The following TAFA4 variants were observed in gnomAD, a reference collection of about 807,000 sequenced individuals.
TAFA4 encodes chemokine-like protein TAFA-4.
TAFA4 carries 20 observed loss-of-function variants against 21.1 expected under a neutral mutation model. The observed-to-expected ratio is 0.95, with a 90% CI of 0.67 to 1.38. The LOEUF (loss-of-function observed/expected upper bound fraction) is 1.38. TAFA4 is among the 40% of genes most tolerant of loss of function. The probability of loss-of-function intolerance (pLI) is 0.00; values close to 1 mark genes in which losing one functional copy is unlikely to be tolerated. For synonymous variants in TAFA4, 71 were observed against 67.4 expected, an observed-to-expected ratio of 1.05 and a Z score of -0.26; for missense variants, 211 against 180.9, an observed-to-expected ratio of 1.17 and a Z score of -0.95.
Position 68,844,849 on chromosome 3 carries a change from G to A in TAFA4, c.130+35881C>T, listed in dbSNP as rs189647257. 2.6e-3 allele frequency among the ~76,000 whole-genome samples: 396 copies of A among 152,294 alleles called. 7 individuals are homozygous for A. The highest frequency in any genetic ancestry group is 2.7e-3 in the East Asian group (14 of 5,192). On this transcript the variant is annotated intron_variant, in intron 3 of 5. Coordinates refer to ENST00000295569, the MANE Select transcript of TAFA4 (RefSeq NM_182522.5). ...GGTTTTGAGTGAGTTTCTTAATCCT[G>A]AGTTCTAATTTGATTGCACTGTGGT...
chr3:68,809,929 G>C (rs1703795903), intron 3 of TAFA4, among the ~76,000 whole-genome samples: 1 of 152,146 alleles, frequency 6.6e-6, no homozygotes, highest in African/African-American at 2.4e-5. Flanking sequence ...CTATGTATCT[G>C]TTTTTACGCC....
At chr3:68,873,144 A>G (rs1041968643) in intron 3 of TAFA4, among the ~76,000 whole-genome samples, 2 of 152,028 alleles carry the variant, frequency 1.3e-5, no homozygotes, top group African/African-American at 4.8e-5. Context: ...CCAGGTTCTG[A>G]TGTGTCACAC....
At position 68,846,298 on chromosome 3, in the gene TAFA4, G is replaced by C. The variant is rs138764701; in HGVS notation, c.130+34432C>G. Among the ~76,000 whole-genome samples the C allele has an allele frequency of 2.6e-3, 387 of 151,722 alleles. 4 individuals are homozygous for C. Among genetic ancestry groups the C allele is most frequent in the African/African-American group, 9.1e-3 (376 of 41,394 alleles). Reference sequence around the variant, plus strand: ...ATCTCTGATATCCTTTCTTCTGCTTGATTGATTCAGCTATTGATACTTGTG... The same window carrying C: ...ATCTCTGATATCCTTTCTTCTGCTTCATTGATTCAGCTATTGATACTTGTG... On this transcript the variant is annotated intron_variant, in intron 3 of 5. Coordinates refer to ENST00000295569, the MANE Select transcript of TAFA4 (RefSeq NM_182522.5).
chr3:68,879,623 GA>G (rs1453548179), intron 3 of TAFA4, among the ~76,000 whole-genome samples: 2 of 152,178 alleles, frequency 1.3e-5, no homozygotes, highest in African/African-American at 2.4e-5. Flanking sequence ...CTGATTTGCT[GA>G]AACTTCAATC....
chr3:68,804,563 C>T (rs892930142), intron 3 of TAFA4, among the ~76,000 whole-genome samples: 2 of 152,166 alleles, frequency 1.3e-5, no homozygotes, highest in African/African-American at 2.4e-5. Flanking sequence ...TACTACAAGG[C>T]TATAGTAACC....
At chr3:68,913,703 G>A (rs1268320525) in intron 1 of TAFA4, 1 of 152,192 alleles carries the variant, frequency 6.6e-6, no homozygotes, top group East Asian at 1.9e-4. Flanking sequence ...CCTACAGAAT[G>A]AGAACCATTT....
intron 1 of TAFA4, among the ~76,000 whole-genome samples, chr3:68,889,177 G>A (rs1479611391): frequency 2.6e-5 from 4 of 152,040 alleles, no homozygotes; most frequent in African/African-American, 4.8e-5. Context: ...GGTCATTCTC[G>A]GAATGAACTA....
intron 1 of TAFA4, among the ~76,000 whole-genome samples, chr3:68,908,379 G>A (rs1391115963): frequency 6.6e-6 from 1 of 152,140 alleles, no homozygotes; most frequent in African/African-American, 2.4e-5. Context: ...CTAGTGGGAA[G>A]CCACGAGGCT....
At chr3:68,776,479 A>G (rs976365148) in intron 3 of TAFA4, among the ~76,000 whole-genome samples, 4 of 152,236 alleles carry the variant, frequency 2.6e-5, no homozygotes, top group African/African-American at 9.6e-5. Flanking sequence ...AGAAAGCCTG[A>G]AAGTGTATGC....
At chr3:68,928,900 T>G (rs1361417055) in intron 1 of TAFA4, among the ~76,000 whole-genome samples, 1 of 152,088 alleles carries the variant, frequency 6.6e-6, no homozygotes, top group Non-Finnish European at 1.5e-5. Flanking sequence ...ACCCCTGATC[T>G]TCTAGAAAGG....
intron 3 of TAFA4, among the ~76,000 whole-genome samples, chr3:68,780,520 A>G (rs1452257633): frequency 2.0e-5 from 3 of 152,138 alleles, no homozygotes; most frequent in Non-Finnish European, 4.4e-5. Context: ...GTCTCATGAG[A>G]TCTGATGGTT....
intron 3 of TAFA4, among the ~76,000 whole-genome samples, chr3:68,763,497 C>A (rs773875809): frequency 6.6e-6 from 1 of 151,792 alleles, no homozygotes; most frequent in African/African-American, 2.4e-5. Context: ...TATTATTGTT[C>A]GATTCTAATA....
At chr3:68,877,709 A>G (rs2089568915) in intron 3 of TAFA4, among the ~76,000 whole-genome samples, 2 of 152,180 alleles carry the variant, frequency 1.3e-5, no homozygotes, top group Non-Finnish European at 2.9e-5. Context: ...TAGAACAATG[A>G]AAAAACAAGC....
intron 3 of TAFA4, among the ~76,000 whole-genome samples, chr3:68,821,801 T>G (rs2106863755): frequency 6.6e-6 from 1 of 152,320 alleles, no homozygotes; most frequent in African/African-American, 2.4e-5. Context: ...TACCCTTATG[T>G]TACTTTTTAT....
At chr3:68,912,512 G>A (rs1167492737) in intron 1 of TAFA4, among the ~76,000 whole-genome samples, 2 of 152,188 alleles carry the variant, frequency 1.3e-5, no homozygotes, top group Admixed American at 1.3e-4. Context: ...GCCGCCCCTT[G>A]GCTCCCTCCC....
intron 1 of TAFA4, among the ~76,000 whole-genome samples, chr3:68,916,963 A>T (rs2090009936): frequency 6.6e-6 from 1 of 152,204 alleles, no homozygotes; most frequent in Admixed American, 6.5e-5. Flanking sequence ...CATAGTCCTG[A>T]TTCTGTACAG....
chr3:68,784,307 C>G (rs1447510105), intron 3 of TAFA4, among the ~76,000 whole-genome samples: 2 of 152,206 alleles, frequency 1.3e-5, no homozygotes, highest in Admixed American at 1.3e-4. Context: ...CTTGGTCTCA[C>G]TGACTTCAAG....
At chr3:68,826,375 C>A (rs1414165900) in intron 3 of TAFA4, among the ~76,000 whole-genome samples, 3 of 152,068 alleles carry the variant, frequency 2.0e-5, no homozygotes, top group Non-Finnish European at 4.4e-5. Context: ...CGATCGAGAC[C>A]ATCCTGGCTA....
chr3:68,840,739 G>C (rs1339952126), intron 3 of TAFA4, among the ~76,000 whole-genome samples: 1 of 152,122 alleles, frequency 6.6e-6, no homozygotes, highest in Non-Finnish European at 1.5e-5. Flanking sequence ...TTCCACAGCT[G>C]GTTTAGCAGT....
Sources: allele counts gnomAD v4.1 joint callset (sites outside exome capture counted in the v4.1 genomes callset), GRCh38; gene constraint gnomAD v4.1.1; transcripts MANE v1.5; gene names NCBI Gene and HGNC (gene_info 2026-07-23, HGNC 2026-07-21).